RNF152: variants seen among roughly 807,000 people sequenced by gnomAD.
RNF152 encodes the protein E3 ubiquitin-protein ligase RNF152.
RNF152 carries 11 observed loss-of-function variants against 12.7 expected under a neutral mutation model. That is an observed-to-expected ratio of 0.86 (90% CI 0.54 to 1.43). RNF152 has a LOEUF of 1.43. Among genes scored for constraint, RNF152 ranks in the 40% most tolerant of loss-of-function variants. RNF152 has a pLI of 0.00. For missense variants in RNF152, 255 were observed against 274.8 expected, an observed-to-expected ratio of 0.93 and a Z score of 0.51; for synonymous variants, 113 against 120.3, an observed-to-expected ratio of 0.94 and a Z score of 0.40.
intron 1 of RNF152, among the ~76,000 whole-genome samples, chr18:61,834,392 TC>T (rs748472423): frequency 8.5e-5 from 13 of 152,226 alleles, no homozygotes; most frequent in Admixed American, 3.9e-4. Flanking sequence ...TTCTATGTTC[TC>T]CTAGGAACCT....
intron 1 of RNF152, among the ~76,000 whole-genome samples, chr18:61,845,929 G>A (rs1001570890): frequency 2.1e-5 from 3 of 140,742 alleles, no homozygotes; most frequent in East Asian, 4.1e-4. Context: ...GTGGGGGGGC[G>A]TGGTGATGAG....
rs756899309 is a variant in RNF152, at chr18:61,841,782, G to A, written c.-135-25184C>T. 7.2e-5 allele frequency among the ~76,000 whole-genome samples: 11 copies of A among 152,224 alleles called. No individual in the cohort carries two copies. The East Asian group carries it at 1.2e-3, about 16-fold the overall frequency. ...ACTAGTGCTTCTCAATCTCCAACACGGCAGTAAATCACTAATCCTGCTTTC... is the reference window on the plus strand; with the variant it reads ...ACTAGTGCTTCTCAATCTCCAACACAGCAGTAAATCACTAATCCTGCTTTC... On this transcript the variant is annotated intron_variant, in intron 1 of 1. Transcript: ENST00000312828.
At position 61,812,195 on chromosome 18, in the gene RNF152, T is replaced by G. The variant is rs1158337628; in HGVS notation, c.*3657A>C. ...CACATAGGGCTATTTAAATTTAAGC[T>G]AATTAAAATTAAATAAAATTTGAAA... On this transcript the variant is annotated 3_prime_UTR_variant, in exon 2 of 2. Transcript: ENST00000312828. 2.6e-5 allele frequency: 4 copies of G among 152,188 alleles called. No individual in the cohort carries two copies. The highest frequency in any genetic ancestry group is 9.7e-5 in the African/African-American group (4 of 41,446). 9.4% of individuals were successfully genotyped at this position (152,188 alleles called of 1,614,324 possible). A position where few individuals can be genotyped will look rare whatever the true frequency, so the allele number is the denominator to read the frequency against.
chr18:61,834,461 T>G (rs1910090544), intron 1 of RNF152, among the ~76,000 whole-genome samples: 1 of 152,202 alleles, frequency 6.6e-6, no homozygotes, highest in African/African-American at 2.4e-5. Flanking sequence ...AGTGAGTTCC[T>G]TAGAGGGAAG....
chr18:61,858,152 GT>G (rs1911309722), intron 1 of RNF152, among the ~76,000 whole-genome samples: 2 of 152,308 alleles, frequency 1.3e-5, no homozygotes, highest in South Asian at 4.1e-4. Flanking sequence ...CATTTAGGTA[GT>G]TTGGTATAAC....
intron 1 of RNF152, among the ~76,000 whole-genome samples, chr18:61,865,798 T>C (rs1314558429): frequency 6.6e-6 from 1 of 152,162 alleles, no homozygotes; most frequent in East Asian, 1.9e-4. Flanking sequence ...ATGACAGCTG[T>C]CCCAATCCCC....
At chr18:61,863,958 T>G (rs1233824766) in intron 1 of RNF152, among the ~76,000 whole-genome samples, 1 of 152,220 alleles carries the variant, frequency 6.6e-6, no homozygotes, top group African/African-American at 2.4e-5. Flanking sequence ...ATTTTAATCT[T>G]TCTCTTTCTG....
At chr18:61,853,807 A>T (rs188412116) in intron 1 of RNF152, among the ~76,000 whole-genome samples, 1 of 152,334 alleles carries the variant, frequency 6.6e-6, no homozygotes, top group East Asian at 1.9e-4. Context: ...ACTTCCTTGA[A>T]GTCCCTTTTG....
At chr18:61,887,701 CAAAA>C (rs34170984) in intron 1 of RNF152, among the ~76,000 whole-genome samples, 4 of 105,938 alleles carry the variant, frequency 3.8e-5, no homozygotes, top group Admixed American at 9.8e-5. Flanking sequence ...GACTCCATCT[CAAAA>C]AAAAAAAAAA....
chr18:61,861,162 A>G (rs894906859), intron 1 of RNF152, among the ~76,000 whole-genome samples: 1 of 152,200 alleles, frequency 6.6e-6, no homozygotes, highest in Non-Finnish European at 1.5e-5. Flanking sequence ...TAAAGTCTAC[A>G]GTAGTGTACA....
intron 1 of RNF152, among the ~76,000 whole-genome samples, chr18:61,880,913 C>CTTTTTTT (rs71179000): frequency 7.6e-6 from 1 of 131,812 alleles, no homozygotes; most frequent in Non-Finnish European, 1.6e-5. Flanking sequence ...CTCTAGTTTT[C>CTTTTTTT]TTTTTTTTTT....
chr18:61,821,475 A>G (rs1244763180), intron 1 of RNF152, among the ~76,000 whole-genome samples: 1 of 152,220 alleles, frequency 6.6e-6, no homozygotes, highest in Non-Finnish European at 1.5e-5. Context: ...GAGTGAAGCT[A>G]ATGATGGATC....
At chr18:61,886,658 C>T (rs1432127528) in intron 1 of RNF152, among the ~76,000 whole-genome samples, 4 of 152,178 alleles carry the variant, frequency 2.6e-5, no homozygotes, top group Admixed American at 2.0e-4. Flanking sequence ...CTGGAAGGGT[C>T]CCATTCACTG....
chr18:61,835,388 CGTGAAAGAGTTCACCTTATTTCAAG>C (rs1404539246), intron 1 of RNF152, among the ~76,000 whole-genome samples: 10 of 152,004 alleles, frequency 6.6e-5, no homozygotes, highest in African/African-American at 2.2e-4. Context: ...TATATTGTTA[CGTGAAAGAGTTCACCTTATTTCAAG>C]GTGAAAGAGT....
chr18:61,856,685 C>T (rs1045026563), intron 1 of RNF152, among the ~76,000 whole-genome samples: 6 of 152,026 alleles, frequency 3.9e-5, no homozygotes, highest in African/African-American at 1.4e-4. Context: ...GAGGGGTGGT[C>T]GAGCAATCTT....
intron 1 of RNF152, among the ~76,000 whole-genome samples, chr18:61,872,765 G>A (rs984822684): frequency 2.0e-5 from 3 of 152,034 alleles, no homozygotes; most frequent in Non-Finnish European, 4.4e-5. Context: ...ATTTCCAGAT[G>A]AATTTCTGGT....
At position 61,815,788 on chromosome 18, in the gene RNF152, A is replaced by C; in HGVS notation, c.*64T>G. 1.3e-6 allele frequency: 2 copies of C among 1,554,436 alleles called. No homozygotes were observed. The highest frequency in any genetic ancestry group is 1.8e-6 in the Non-Finnish European group (2 of 1,140,082). On this transcript the variant is annotated 3_prime_UTR_variant, in exon 2 of 2. Transcript: ENST00000312828. The stretch of plus-strand genomic sequence containing the variant: ...TGTTGCCCCCCATCTTCTCACTGGG[A>C]TCTCATCATCAACCTGCTCAACCCC...
intron 1 of RNF152, among the ~76,000 whole-genome samples, chr18:61,828,833 T>A (rs569219886): frequency 6.6e-6 from 1 of 152,272 alleles, no homozygotes; most frequent in East Asian, 1.9e-4. Flanking sequence ...GGCCCTCTCC[T>A]GCTAAGGCCG....
intron 1 of RNF152, among the ~76,000 whole-genome samples, chr18:61,870,161 C>A (rs896414023): frequency 6.6e-6 from 1 of 152,144 alleles, no homozygotes; most frequent in East Asian, 1.9e-4. Context: ...ATCACGAATA[C>A]CCTGCTTTTA....
Sources: gnomAD v4.1 joint callset for allele counts (sites outside exome capture counted in the v4.1 genomes callset) on GRCh38, gnomAD v4.1.1 for gene constraint, MANE v1.5 for transcripts, NCBI Gene and HGNC (gene_info 2026-07-23, HGNC 2026-07-21) for gene names.